PDE4B: variants seen among roughly 807,000 people sequenced by gnomAD.
The protein encoded by PDE4B is phosphodiesterase 4B.
In PDE4B, 20 loss-of-function variants were observed where a neutral mutation model predicts 82.2. That is an observed-to-expected ratio of 0.24 (90% CI 0.17 to 0.35). The LOEUF is 0.35. Ranked by LOEUF, PDE4B falls within the 10% of genes least tolerant of loss-of-function variation. The pLI is 1.00. For missense variants in PDE4B, 655 were observed against 907.2 expected, an observed-to-expected ratio of 0.72 and a Z score of 3.57; for synonymous variants, 320 against 318.9, an observed-to-expected ratio of 1.00 and a Z score of -0.04.
At chr1:66,328,914 C>T (rs917883999) in intron 7 of PDE4B, among the ~76,000 whole-genome samples, 7 of 152,168 alleles carry the variant, frequency 4.6e-5, no homozygotes, top group African/African-American at 1.7e-4. Context: ...TTTCAGGTAC[C>T]CAGCATGTCC....
chr1:65,887,412 CTGT>C (rs1646801736), intron 1 of PDE4B, among the ~76,000 whole-genome samples: 1 of 6,922 alleles, frequency 1.4e-4, no homozygotes, highest in African/African-American at 8.7e-4. Context: ...TCTTTTTCTT[CTGT>C]TTTTTTTTTT....
chr1:66,186,851 C>A (rs1647236836), intron 3 of PDE4B, among the ~76,000 whole-genome samples: 1 of 152,110 alleles, frequency 6.6e-6, no homozygotes, highest in Non-Finnish European at 1.5e-5. Flanking sequence ...ATTGCCCGGG[C>A]CAGAGCTTCC....
intron 3 of PDE4B, among the ~76,000 whole-genome samples, chr1:65,999,432 A>G (rs1281905839): frequency 6.6e-6 from 1 of 152,116 alleles, no homozygotes; most frequent in African/African-American, 2.4e-5. Flanking sequence ...TGTTCAGCAA[A>G]CTAAGCCTGT....
chr1:65,899,482 G>C (rs962534322), intron 1 of PDE4B, among the ~76,000 whole-genome samples: 1 of 151,774 alleles, frequency 6.6e-6, no homozygotes, highest in African/African-American at 2.4e-5. Context: ...TATCTATCCA[G>C]AGGAAAATAA....
chr1:66,248,968 A>C (rs551295791), intron 4 of PDE4B, among the ~76,000 whole-genome samples: 2 of 152,182 alleles, frequency 1.3e-5, no homozygotes, highest in East Asian at 3.9e-4. Context: ...CTATCCCATG[A>C]CTGTGTATCA....
At chr1:66,293,656 T>G (rs1341129992) in intron 7 of PDE4B, among the ~76,000 whole-genome samples, 2 of 152,184 alleles carry the variant, frequency 1.3e-5, no homozygotes, top group Non-Finnish European at 2.9e-5. Flanking sequence ...CATAGTTTAT[T>G]AAAGCATATT....
intron 1 of PDE4B, among the ~76,000 whole-genome samples, chr1:65,799,659 C>T (rs904151040): frequency 2.0e-5 from 3 of 152,096 alleles, no homozygotes; most frequent in Admixed American, 2.0e-4. Flanking sequence ...CTGGGTCAGC[C>T]TTAAAGGCCT....
chr1:65,913,790 C>A (rs1298502612), intron 2 of PDE4B, among the ~76,000 whole-genome samples: 1 of 152,162 alleles, frequency 6.6e-6, no homozygotes, highest in Non-Finnish European at 1.5e-5. Context: ...ATCCCCTAGG[C>A]CTTTGCTACT....
At chr1:66,265,947 A>G in intron 6 of PDE4B, 91 bp from the exon 7 acceptor site, 1 of 904,174 alleles carries the variant, frequency 1.1e-6, no homozygotes, top group Non-Finnish European at 1.9e-6. Flanking sequence ...TGACCTGGAA[A>G]AGTCCTCAGT....
At chr1:66,037,998 A>G (rs1465594501) in intron 3 of PDE4B, among the ~76,000 whole-genome samples, 1 of 152,212 alleles carries the variant, frequency 6.6e-6, no homozygotes, top group Admixed American at 6.5e-5. Flanking sequence ...TAGAAATTTG[A>G]AAGATTTGCA....
At chr1:66,347,367 CT>C (rs1166439957) in intron 8 of PDE4B, among the ~76,000 whole-genome samples, 1 of 152,104 alleles carries the variant, frequency 6.6e-6, no homozygotes, top group Non-Finnish European at 1.5e-5. Context: ...TGTTATGAAA[CT>C]ATTTTCATCT....
chr1:66,053,433 A>G (rs895989026), intron 3 of PDE4B, among the ~76,000 whole-genome samples: 1 of 152,160 alleles, frequency 6.6e-6, no homozygotes, highest in Non-Finnish European at 1.5e-5. Flanking sequence ...TAGGAGCTTT[A>G]TGTGTATTAA....
At chr1:65,849,488 A>C (rs1381359927) in intron 1 of PDE4B, among the ~76,000 whole-genome samples, 2 of 152,144 alleles carry the variant, frequency 1.3e-5, no homozygotes, top group African/African-American at 4.8e-5. Context: ...AAACTGGTTA[A>C]GTAGAGTTGT....
At chr1:65,806,660 A>G (rs967434110) in intron 1 of PDE4B, among the ~76,000 whole-genome samples, 2 of 152,168 alleles carry the variant, frequency 1.3e-5, no homozygotes, top group African/African-American at 2.4e-5. Context: ...AATTATGTTG[A>G]TCGAGCTTGC....
At chr1:66,261,503 A>T (rs940354248) in intron 6 of PDE4B, among the ~76,000 whole-genome samples, 2 of 152,170 alleles carry the variant, frequency 1.3e-5, no homozygotes, top group African/African-American at 4.8e-5. Flanking sequence ...TGAATGTAGC[A>T]TTTAAGCAAT....
chr1:65,968,311 C>T (rs1649955582), intron 3 of PDE4B, among the ~76,000 whole-genome samples: 2 of 152,116 alleles, frequency 1.3e-5, no homozygotes, highest in Admixed American at 6.6e-5. Context: ...TTTTCTTTCT[C>T]TATTGCCAAA....
At chr1:66,186,059 G>T (rs534705012) in intron 3 of PDE4B, among the ~76,000 whole-genome samples, 16 of 152,288 alleles carry the variant, frequency 1.1e-4, no homozygotes, top group South Asian at 6.2e-4. Flanking sequence ...CATATGGCTA[G>T]CCAGTTTTCC....
chr1:65,896,401 T>A (rs1646911241), intron 1 of PDE4B, among the ~76,000 whole-genome samples: 1 of 152,072 alleles, frequency 6.6e-6, no homozygotes, highest in Non-Finnish European at 1.5e-5. Context: ...TCCCACTGTG[T>A]CCCTCCCATG....
chr1:65,796,955 ATT>A (rs71058430), intron 1 of PDE4B, among the ~76,000 whole-genome samples: 144 of 131,138 alleles, frequency 1.1e-3, no homozygotes, highest in Non-Finnish European at 1.2e-3. Context: ...AGCCTGAAAC[ATT>A]TTTTTTTTTT....
Sources: allele counts gnomAD v4.1 joint callset (sites outside exome capture counted in the v4.1 genomes callset), GRCh38; gene constraint gnomAD v4.1.1; transcripts MANE v1.5; gene names NCBI Gene and HGNC (gene_info 2026-07-23, HGNC 2026-07-21).